The following TACR1 variants were observed in gnomAD, a reference collection of about 807,000 sequenced individuals.
TACR1 encodes the protein tachykinin receptor 1.
TACR1 carries 25 observed loss-of-function variants against 35.8 expected under a neutral mutation model. The observed-to-expected ratio is 0.70, with a 90% confidence interval of 0.51 to 0.98. The LOEUF (loss-of-function observed/expected upper bound fraction) is 0.98, where lower values mean the gene tolerates loss of function less well. Ranked by LOEUF, TACR1 falls within the 50% of genes least tolerant of loss-of-function variation. The pLI is 0.00. For synonymous variants in TACR1, 195 were observed against 206.7 expected, an observed-to-expected ratio of 0.94 and a Z score of 0.48; for missense variants, 478 against 522.9, an observed-to-expected ratio of 0.91 and a Z score of 0.84.
intron 2 of TACR1, among the ~76,000 whole-genome samples, chr2:75,063,982 CTGGCCCTTCCCAG>C (rs1356469100): frequency 4.6e-5 from 7 of 152,158 alleles, no homozygotes; most frequent in Admixed American, 1.3e-4. Flanking sequence ...TGTAAATCCA[CTGGCCCTTCCCAG>C]CATGACATGC....
chr2:75,193,938 C>G (rs556693116), intron 1 of TACR1, among the ~76,000 whole-genome samples: 1 of 152,332 alleles, frequency 6.6e-6, no homozygotes, highest in East Asian at 1.9e-4. Flanking sequence ...GGCATCAACA[C>G]TTGATAGACT....
At chr2:75,179,333 TG>T (rs1396186297) in intron 1 of TACR1, among the ~76,000 whole-genome samples, 1 of 152,142 alleles carries the variant, frequency 6.6e-6, no homozygotes, top group Non-Finnish European at 1.5e-5. Context: ...CACCAGACCC[TG>T]GTTTTAGCTA....
intron 2 of TACR1, among the ~76,000 whole-genome samples, chr2:75,086,683 A>G (rs774894024): frequency 3.9e-5 from 6 of 152,160 alleles, no homozygotes; most frequent in Non-Finnish European, 7.4e-5. Context: ...TGGATATGAG[A>G]GACACTTCAA....
intron 1 of TACR1, among the ~76,000 whole-genome samples, chr2:75,134,716 T>C (rs971881844): frequency 6.6e-6 from 1 of 152,214 alleles, no homozygotes; most frequent in Non-Finnish European, 1.5e-5. Context: ...TTTCATTAGA[T>C]GCTTATCAGG....
intron 1 of TACR1, among the ~76,000 whole-genome samples, chr2:75,131,034 C>T (rs1674167409): frequency 6.6e-6 from 1 of 152,122 alleles, no homozygotes. Context: ...AATTTTCTAT[C>T]AGTGTCATCA....
At chr2:75,080,941 T>C (rs1673076343) in intron 2 of TACR1, among the ~76,000 whole-genome samples, 1 of 152,080 alleles carries the variant, frequency 6.6e-6, no homozygotes, top group Non-Finnish European at 1.5e-5. Flanking sequence ...AGAAATTAGA[T>C]AAGGAAATAG....
chr2:75,174,904 G>C (rs932885090), intron 1 of TACR1, among the ~76,000 whole-genome samples: 2 of 152,198 alleles, frequency 1.3e-5, no homozygotes, highest in Admixed American at 1.3e-4. Context: ...AATTTCAGGG[G>C]CAGAGGATGA....
intron 1 of TACR1, among the ~76,000 whole-genome samples, chr2:75,174,861 C>T (rs1389118923): frequency 6.6e-6 from 1 of 152,110 alleles, no homozygotes; most frequent in African/African-American, 2.4e-5. Flanking sequence ...TTGATGACTT[C>T]TATTACCAAA....
In TACR1 at chr2:75,053,628, C is replaced by T. The variant is rs776956215; in HGVS notation, c.712G>A (p.Glu238Lys). Residue 238 changes from glutamate to lysine, a missense_variant, in exon 3 of 5, where the codon GAG (glutamate) becomes AAG (lysine). By Grantham distance (56) the Glu-to-Lys change is moderately conservative. Coordinates refer to ENST00000305249, the MANE Select transcript of TACR1 (RefSeq NM_001058.4). ...IPGDSSDRYH[E>K]QVSAKRKVVK... ...ACCTTGCGCTTGGCAGAGACTTGCT[C>T]GTGGTAGCGGTCAGAGGAGTCCCCG... The T allele has an allele frequency of 1.1e-5, 17 of 1,563,848 alleles. No homozygotes were observed. Among genetic ancestry groups the T allele is most frequent in the African/African-American group, 5.5e-5 (4 of 73,142 alleles).
intron 2 of TACR1, among the ~76,000 whole-genome samples, chr2:75,093,486 C>G (rs1011573475): frequency 2.0e-5 from 3 of 152,140 alleles, no homozygotes; most frequent in African/African-American, 7.2e-5. Context: ...CCAGGCTGCA[C>G]AGGTTATAGA....
chr2:75,158,916 C>G (rs925960722), intron 1 of TACR1, among the ~76,000 whole-genome samples: 1 of 152,204 alleles, frequency 6.6e-6, no homozygotes. Flanking sequence ...CCTCGAGCAT[C>G]TGCTTCTTCA....
In TACR1 at chr2:75,049,129, G is replaced by A; in HGVS notation, c.*303C>T. 2.8e-6 allele frequency: 1 copy of A among 357,036 alleles called. No individual in the cohort carries two copies. Among genetic ancestry groups the A allele is most frequent in the Non-Finnish European group, 5.1e-6 (1 of 196,264 alleles). 22.1% of individuals were successfully genotyped at this position (357,036 alleles called of 1,614,324 possible). On this transcript the variant is annotated 3_prime_UTR_variant, in exon 5 of 5. Coordinates refer to ENST00000305249, the MANE Select transcript of TACR1 (RefSeq NM_001058.4). ...ATCCTGAAATGAGCACTCGCATGCA[G>A]CCAAAGTCACTTCCAGAATGGAATG...
At chr2:75,191,536 A>G (rs368672242) in intron 1 of TACR1, among the ~76,000 whole-genome samples, 11 of 152,224 alleles carry the variant, frequency 7.2e-5, no homozygotes, top group African/African-American at 2.2e-4. Flanking sequence ...CTGGGGCACA[A>G]TACCTGTTGA....
intron 1 of TACR1, among the ~76,000 whole-genome samples, chr2:75,168,548 C>T (rs9309488): frequency 0.51 from 77,003 of 151,922 alleles, 20,173 homozygotes; most frequent in Non-Finnish European, 0.56. Flanking sequence ...CTAGAAAAAG[C>T]AAGGAAACAT....
In TACR1 at chr2:75,120,633, G is replaced by C; in HGVS notation, c.525C>G (p.Pro175=). 6.2e-7 allele frequency: 1 copy of C among 1,613,936 alleles called. No individual in the cohort carries two copies. Among genetic ancestry groups the C allele is most frequent in the Non-Finnish European group, 8.5e-7 (1 of 1,179,932 alleles). ...QGYYSTTETM[P]SRVVCMIEWP... is the part of the protein sequence containing the mutation. ...ATTCGATCATGCACACGACTCTGCTGGGCATGGTCTCTGTGGTTGAGTAGT... is the reference window on the plus strand; with the variant it reads ...ATTCGATCATGCACACGACTCTGCTCGGCATGGTCTCTGTGGTTGAGTAGT... Residue 175 remains proline (P), a synonymous_variant, in exon 2 of 5, where the codon CCC becomes CCG. Transcript: ENST00000305249.
At chr2:75,139,345 A>G (rs1674356622) in intron 1 of TACR1, among the ~76,000 whole-genome samples, 2 of 152,196 alleles carry the variant, frequency 1.3e-5, no homozygotes, top group Admixed American at 6.5e-5. Flanking sequence ...GAGGAATCTG[A>G]ACAGGCCTCT....
intron 2 of TACR1, among the ~76,000 whole-genome samples, chr2:75,088,773 G>A (rs762672640): frequency 7.2e-5 from 11 of 151,996 alleles, no homozygotes; most frequent in Non-Finnish European, 1.6e-4. Context: ...TATCCCCTTC[G>A]CCCCTGAATC....
At chr2:75,163,298 A>G (rs1474337001) in intron 1 of TACR1, among the ~76,000 whole-genome samples, 1 of 152,224 alleles carries the variant, frequency 6.6e-6, no homozygotes, top group Non-Finnish European at 1.5e-5. Flanking sequence ...TTACCCTTAC[A>G]TAAGCTTTTT....
chr2:75,183,348 G>T (rs1675604566), intron 1 of TACR1, among the ~76,000 whole-genome samples: 1 of 152,122 alleles, frequency 6.6e-6, no homozygotes, highest in South Asian at 2.1e-4. Flanking sequence ...TGTTTTAAAA[G>T]AAAAGTTTAA....
Sources: allele counts gnomAD v4.1 joint callset (sites outside exome capture counted in the v4.1 genomes callset), GRCh38; gene constraint gnomAD v4.1.1; transcripts MANE v1.5; gene names NCBI Gene and HGNC (gene_info 2026-07-23, HGNC 2026-07-21).